The following CORIN variants were observed in gnomAD, a reference collection of about 807,000 sequenced individuals.
CORIN encodes corin, serine peptidase.
A neutral mutation model predicts 125.3 loss-of-function variants in CORIN; 117 were observed. The ratio of observed to expected loss-of-function variants is 0.93; its 90% CI spans 0.80 to 1.09. The LOEUF is 1.09. CORIN is among the 50% of genes least tolerant of loss of function. The pLI, the probability that CORIN is intolerant of heterozygous loss-of-function variation, is 0.00. For synonymous variants in CORIN, 450 were observed against 466.4 expected (o/e 0.96, Z 0.45); for missense variants, 1,253 against 1,306.7 (o/e 0.96, Z 0.63).
At chr4:47,747,534 T>C (rs1041765851) in intron 4 of CORIN, among the ~76,000 whole-genome samples, 2 of 152,244 alleles carry the variant, frequency 1.3e-5, no homozygotes, top group African/African-American at 2.4e-5. Context: ...TCATTTCATT[T>C]TATTTATCAT....
chr4:47,703,667 C>T (rs1467371133), intron 5 of CORIN, among the ~76,000 whole-genome samples: 2 of 152,176 alleles, frequency 1.3e-5, no homozygotes, highest in Non-Finnish European at 1.5e-5. Context: ...GTGCCGAGCA[C>T]CAAATCAGGT....
At chr4:47,826,718 T>A (rs1239295394) in intron 1 of CORIN, among the ~76,000 whole-genome samples, 1 of 152,212 alleles carries the variant, frequency 6.6e-6, no homozygotes, top group Non-Finnish European at 1.5e-5. Flanking sequence ...GCAAAGTCCC[T>A]TTTGACATAG....
intron 4 of CORIN, among the ~76,000 whole-genome samples, chr4:47,756,057 G>T (rs952705996): frequency 2.0e-5 from 3 of 152,124 alleles, no homozygotes; most frequent in Non-Finnish European, 1.5e-5. Context: ...AGTAAGAGAG[G>T]CAATAAACAG....
chr4:47,700,142 C>T (rs1674198646), intron 5 of CORIN, among the ~76,000 whole-genome samples: 1 of 152,128 alleles, frequency 6.6e-6, no homozygotes, highest in Admixed American at 6.5e-5. Flanking sequence ...ACTCCTTCAC[C>T]CTTAAGATTT....
intron 5 of CORIN, among the ~76,000 whole-genome samples, chr4:47,729,615 G>C (rs991072310): frequency 2.6e-5 from 4 of 152,248 alleles, no homozygotes; most frequent in Middle Eastern, 3.4e-3. Context: ...TGATACAGAC[G>C]GGAGGTGGAA....
intron 19 of CORIN, among the ~76,000 whole-genome samples, chr4:47,605,554 C>T (rs760788465): frequency 1.4e-4 from 22 of 152,104 alleles, no homozygotes; most frequent in Middle Eastern, 3.2e-3. Flanking sequence ...GTGGGCATTT[C>T]CTTATACTCT....
intron 1 of CORIN, among the ~76,000 whole-genome samples, chr4:47,836,902 GC>G (rs772898839): frequency 3.3e-5 from 5 of 152,218 alleles, no homozygotes; most frequent in Non-Finnish European, 7.3e-5. Context: ...CCTGCAGCTA[GC>G]GTCACCGGTC....
intron 16 of CORIN, among the ~76,000 whole-genome samples, chr4:47,630,863 AC>A (rs1374451569): frequency 6.6e-6 from 1 of 152,048 alleles, no homozygotes; most frequent in East Asian, 1.9e-4. Context: ...CTCAGATGGG[AC>A]CCAAAATCTG....
chr4:47,786,449 G>C (rs564012964), intron 3 of CORIN, among the ~76,000 whole-genome samples: 20 of 152,310 alleles, frequency 1.3e-4, no homozygotes, highest in African/African-American at 4.8e-4. Context: ...GCTGAGGCAG[G>C]AGAATTGCTT....
intron 2 of CORIN, among the ~76,000 whole-genome samples, chr4:47,802,392 G>A (rs1393771412): frequency 6.6e-6 from 1 of 152,156 alleles, no homozygotes; most frequent in East Asian, 1.9e-4. Context: ...GTCCTGAAGA[G>A]TGAGTCCCAG....
intron 3 of CORIN, among the ~76,000 whole-genome samples, chr4:47,781,615 C>G (rs909810688): frequency 6.6e-6 from 1 of 152,198 alleles, no homozygotes; most frequent in Non-Finnish European, 1.5e-5. Flanking sequence ...AAGGATATAA[C>G]TCCATAATAA....
At chr4:47,612,804 G>A (rs569005832) in intron 19 of CORIN, among the ~76,000 whole-genome samples, 1 of 152,328 alleles carries the variant, frequency 6.6e-6, no homozygotes, top group Admixed American at 6.5e-5. Context: ...ACTCTTGTGA[G>A]TCATAAGGTG....
intron 2 of CORIN, among the ~76,000 whole-genome samples, chr4:47,803,718 A>C (rs1731644259): frequency 6.6e-6 from 1 of 152,278 alleles, no homozygotes; most frequent in South Asian, 2.1e-4. Flanking sequence ...AAATGGATTA[A>C]AGACTTAAAT....
intron 6 of CORIN, among the ~76,000 whole-genome samples, chr4:47,687,925 T>G (rs1262705684): frequency 6.6e-6 from 1 of 152,194 alleles, no homozygotes; most frequent in Non-Finnish European, 1.5e-5. Context: ...CAGTATCATT[T>G]GACATTTTGG....
In CORIN at chr4:47,629,423, T is replaced by C. The variant is rs59603166; in HGVS notation, c.2199-2902A>G. Among the ~76,000 whole-genome samples the C allele has an allele frequency of 1.1e-3, 165 of 152,330 alleles. 1 individual carries two copies. The highest frequency in any genetic ancestry group is 3.8e-3 in the African/African-American group (160 of 41,582). On this transcript the variant is annotated intron_variant, in intron 16 of 21. Transcript: ENST00000273857. The stretch of plus-strand genomic sequence containing the variant: ...TTGCTGTTGAATTATTTTAGTTCCT[T>C]ATGTATTTTGGATACTAACCTCATT...
intron 1 of CORIN, among the ~76,000 whole-genome samples, chr4:47,817,952 G>A (rs919723861): frequency 6.6e-6 from 1 of 152,198 alleles, no homozygotes; most frequent in African/African-American, 2.4e-5. Context: ...CCCTTCTACA[G>A]CTGGTAGATT....
At chr4:47,800,660 G>T (rs888758865) in intron 2 of CORIN, among the ~76,000 whole-genome samples, 1 of 152,270 alleles carries the variant, frequency 6.6e-6, no homozygotes, top group South Asian at 2.1e-4. Flanking sequence ...TTTCAGGACG[G>T]TTTACTGTCT....
At chr4:47,638,493 A>G (rs906826387) in intron 16 of CORIN, among the ~76,000 whole-genome samples, 7 of 152,222 alleles carry the variant, frequency 4.6e-5, no homozygotes, top group Admixed American at 3.9e-4. Flanking sequence ...AGGTGATTCA[A>G]TTATGGGGGC....
intron 6 of CORIN, among the ~76,000 whole-genome samples, chr4:47,684,955 T>G (rs1725447147): frequency 6.6e-6 from 1 of 151,898 alleles, no homozygotes; most frequent in African/African-American, 2.4e-5. Context: ...CTAAGGCAAA[T>G]TAAAACCACA....
Sources: allele counts gnomAD v4.1 joint callset (sites outside exome capture counted in the v4.1 genomes callset), GRCh38; gene constraint gnomAD v4.1.1; transcripts MANE v1.5; gene names NCBI Gene and HGNC (gene_info 2026-07-23, HGNC 2026-07-21).